TTC6: variants seen among roughly 807,000 people sequenced by gnomAD.
TTC6 encodes tetratricopeptide repeat domain 6, also known as tetratricopeptide repeat protein 6.
Under a neutral mutation model 210.4 loss-of-function variants are expected in TTC6, and 172 were observed. That is an observed-to-expected ratio of 0.82 (90% CI 0.72 to 0.93). TTC6 has a LOEUF of 0.93. Ranked by LOEUF, TTC6 falls within the 40% of genes least tolerant of loss-of-function variation. TTC6 has a pLI of 0.00. For missense variants in TTC6, 2,414 were observed against 2,318.1 expected (o/e 1.04, Z -0.85); for synonymous variants, 804 against 819.6 (o/e 0.98, Z 0.32).
intron 25 of TTC6, among the ~76,000 whole-genome samples, 161 bp from the exon 28 acceptor site, chr14:37,817,415 TAA>T (rs2096144650): frequency 1.3e-5 from 2 of 152,216 alleles, no homozygotes; most frequent in African/African-American, 2.4e-5. Flanking sequence ...AAGGAAAATA[TAA>T]AGTTTTAGAA....
intron 2 of TTC6, 80 bp downstream of exon 4, chr14:37,680,341 A>G: frequency 2.2e-6 from 2 of 919,598 alleles, no homozygotes; most frequent in Non-Finnish European, 1.6e-6. Flanking sequence ...TTATATAGAG[A>G]GTTAAAAAAA....
intron 30 of TTC6, 57 bp from the exon 33 acceptor site, chr14:37,842,098 A>G (rs992599185): frequency 2.2e-5 from 31 of 1,405,092 alleles, no homozygotes; most frequent in African/African-American, 3.0e-5. Flanking sequence ...TTTGTAAAAA[A>G]AGAGACTATT....
At chr14:37,700,636 A>T (rs1470664502) in intron 4 of TTC6, among the ~76,000 whole-genome samples, 1 of 148,992 alleles carries the variant, frequency 6.7e-6, no homozygotes, top group Non-Finnish European at 1.5e-5. Flanking sequence ...CCAGCTACTC[A>T]GGAGGCTGAG....
intron 14 of TTC6, among the ~76,000 whole-genome samples, chr14:37,758,780 T>G (rs1226724789): frequency 6.6e-6 from 1 of 152,182 alleles, no homozygotes; most frequent in Non-Finnish European, 1.5e-5. Context: ...CTTCATAGTG[T>G]CATTGGTCTT....
intron 2 of TTC6, among the ~76,000 whole-genome samples, chr14:37,607,291 G>C (rs1307959144): frequency 6.6e-6 from 1 of 152,226 alleles, no homozygotes; most frequent in Non-Finnish European, 1.5e-5. Context: ...AAATGTCCTT[G>C]TGTGTTCCCC....
chr14:37,740,757 T>C (rs1321025274), intron 10 of TTC6, among the ~76,000 whole-genome samples: 1 of 152,182 alleles, frequency 6.6e-6, no homozygotes, highest in Non-Finnish European at 1.5e-5. Context: ...AAGTAGGTTT[T>C]CTAAGTTGAT....
chr14:37,803,223 C>G (rs765237431), intron 20 of TTC6, among the ~76,000 whole-genome samples: 3 of 152,188 alleles, frequency 2.0e-5, no homozygotes, highest in Non-Finnish European at 4.4e-5. Flanking sequence ...ATCAGCTACC[C>G]TCTTCCACCC....
At chr14:37,736,288 G>C (rs1009066710) in intron 8 of TTC6, among the ~76,000 whole-genome samples, 49 of 152,116 alleles carry the variant, frequency 3.2e-4, no homozygotes, top group Non-Finnish European at 1.5e-4. Flanking sequence ...TTAGGGGGCT[G>C]AGGTGGGAGG....
chr14:37,842,256 G>A (rs1368234371), exon 31 of TTC6: 1 of 1,607,116 alleles, frequency 6.2e-7, no homozygotes, highest in East Asian at 2.3e-5. Context: ...CTATAACCAA[G>A]CACTTGATCT....
Position 37,630,530 on chromosome 14 carries a change from G to A in TTC6, c.939+7527G>A, listed in dbSNP as rs187721982. Reference sequence around the variant, plus strand: ...TGGTCAATTTTAGAATAAGTGCGATGTGATGCTGGGAAGAATGTATATAGG... The same window carrying A: ...TGGTCAATTTTAGAATAAGTGCGATATGATGCTGGGAAGAATGTATATAGG... On this transcript the variant is annotated intron_variant, in intron 1 of 30. Transcript: ENST00000553443. 3.4e-3 allele frequency among the ~76,000 whole-genome samples: 516 copies of A among 152,304 alleles called. 5 individuals are homozygous for A. The highest frequency in any genetic ancestry group is 5.6e-3 in the Non-Finnish European group (378 of 68,014).
chr14:37,622,993 T>G (rs1165563808), exon 1 of TTC6: 6 of 1,469,836 alleles, frequency 4.1e-6, no homozygotes, highest in Non-Finnish European at 4.5e-6. Flanking sequence ...AACTACGACA[T>G]TACAATGGAA....
chr14:37,812,400 C>T (rs149048537), exon 25 of TTC6: 36 of 1,612,670 alleles, frequency 2.2e-5, no homozygotes, highest in Middle Eastern at 1.7e-4. Context: ...GACTCATCTA[C>T]GTAGAACTAG....
chr14:37,602,805 TC>T lies in TTC6; in HGVS notation c.-234-3857del, dbSNP rs1262969660. Among the ~76,000 whole-genome samples the T allele has an allele frequency of 5.9e-5, 9 of 152,284 alleles. No homozygotes were observed. In the East Asian group the frequency reaches 1.7e-3, roughly 29 times the overall value. ...CTCACCCACCTTAGAGACTCAGGTT[TC>T]GAGTTTTAGCAGATCTGGTGTAGAT... On this transcript the variant is annotated intron_variant, in intron 1 of 2. Transcript: ENST00000556845.
chr14:37,729,980 T>C (rs187886763), intron 7 of TTC6, among the ~76,000 whole-genome samples: 3 of 152,242 alleles, frequency 2.0e-5, no homozygotes, highest in African/African-American at 7.2e-5. Flanking sequence ...ATTAGAAAAG[T>C]AGTCCGAAAG....
intron 14 of TTC6, among the ~76,000 whole-genome samples, chr14:37,770,168 T>G (rs957138242): frequency 2.6e-5 from 4 of 151,886 alleles, no homozygotes; most frequent in Non-Finnish European, 4.4e-5. Flanking sequence ...GTCTGAGAGA[T>G]AGTTTGTTAT....
intron 5 of TTC6, 89 bp downstream of exon 7, chr14:37,701,615 A>C: frequency 8.1e-7 from 1 of 1,237,452 alleles, no homozygotes; most frequent in Middle Eastern, 2.6e-4. Flanking sequence ...TAAAGACTTG[A>C]TTCTGTTCTT....
intron 1 of TTC6, among the ~76,000 whole-genome samples, chr14:37,626,287 C>T: frequency 6.6e-6 from 1 of 152,134 alleles, no homozygotes; most frequent in Admixed American, 6.5e-5. Flanking sequence ...GACCACTTTC[C>T]AGATGTTAAT....
intron 16 of TTC6, among the ~76,000 whole-genome samples, chr14:37,791,114 G>A (rs1163028375): frequency 6.6e-6 from 1 of 152,160 alleles, no homozygotes; most frequent in Non-Finnish European, 1.5e-5. Flanking sequence ...CAATACTATT[G>A]AGGATTTTGG....
chr14:37,781,448 C>T (rs1229574060), intron 14 of TTC6, among the ~76,000 whole-genome samples: 2 of 151,842 alleles, frequency 1.3e-5, no homozygotes, highest in East Asian at 1.9e-4. Flanking sequence ...GTGTTCATAT[C>T]CTTTGCCCAT....
Sources: allele counts gnomAD v4.1 joint callset (sites outside exome capture counted in the v4.1 genomes callset), GRCh38; gene constraint gnomAD v4.1.1; transcripts MANE v1.5; gene names NCBI Gene and HGNC (gene_info 2026-07-23, HGNC 2026-07-21).